FGF14: variants seen among roughly 807,000 people sequenced by gnomAD.
The protein encoded by FGF14 is fibroblast growth factor homologous factor 4.
In FGF14, 5 loss-of-function variants were observed where a neutral mutation model predicts 25.5. The observed-to-expected ratio is 0.20, with a 90% CI of 0.10 to 0.41. The LOEUF (loss-of-function observed/expected upper bound fraction) is 0.41. Ranked by LOEUF, FGF14 falls within the 10% of genes least tolerant of loss-of-function variation. The probability of loss-of-function intolerance (pLI) is 1.00; values close to 1 mark genes in which losing one functional copy is unlikely to be tolerated. For missense variants in FGF14, 222 were observed against 320.1 expected (o/e 0.69, Z 2.34); for synonymous variants, 138 against 118.3 (o/e 1.17, Z -1.08).
At chr13:101,906,987 CT>C (rs2032326556) in intron 1 of FGF14, among the ~76,000 whole-genome samples, 1 of 152,036 alleles carries the variant, frequency 6.6e-6, no homozygotes. Flanking sequence ...CTACATAATG[CT>C]TAAACTTGAG....
Position 101,711,893 on chromosome 13 carries a change from TC to T in FGF14, c.*10937del, listed in dbSNP as rs2034484529. 6.6e-6 allele frequency: 1 copy of T among 152,252 alleles called. No homozygotes were observed. Among genetic ancestry groups the T allele is most frequent in the Admixed American group, 6.5e-5 (1 of 15,278 alleles). The allele number at this position is 152,252 out of a possible 1,614,324, so 9.4% of individuals were successfully genotyped here. ...ATCTGCCCTAAAACTCCTGCCAAGA[TC>T]AGCCAGCTGTTCTCTGGCTAGGCTG... is the stretch of plus-strand genomic sequence containing the variant. On this transcript the variant is annotated 3_prime_UTR_variant, in exon 5 of 5. Transcript: ENST00000376143.
At chr13:101,755,225 G>A (rs1232586821) in intron 3 of FGF14, among the ~76,000 whole-genome samples, 1 of 152,112 alleles carries the variant, frequency 6.6e-6, no homozygotes, top group African/African-American at 2.4e-5. Flanking sequence ...TTTTCACAAA[G>A]ATGCATAACA....
At chr13:101,942,655 A>G (rs956826974) in intron 1 of FGF14, among the ~76,000 whole-genome samples, 23 of 152,212 alleles carry the variant, frequency 1.5e-4, no homozygotes, top group African/African-American at 4.6e-4. Context: ...TAGTTCTGCA[A>G]TTCTGGGCAG....
chr13:102,147,174 T>C (rs1275523542), intron 1 of FGF14, among the ~76,000 whole-genome samples: 1 of 152,232 alleles, frequency 6.6e-6, no homozygotes, highest in Non-Finnish European at 1.5e-5. Flanking sequence ...ACCTTACTTG[T>C]GTCTAGTCAA....
chr13:101,963,461 T>A (rs183337922), intron 1 of FGF14, among the ~76,000 whole-genome samples: 2 of 152,198 alleles, frequency 1.3e-5, no homozygotes, highest in African/African-American at 2.4e-5. Flanking sequence ...TCACCCTTTT[T>A]TCCCCCTATG....
chr13:102,401,339 T>C (rs1405392093), intron 1 of FGF14: 1 of 826,824 alleles, frequency 1.2e-6, no homozygotes, highest in Non-Finnish European at 2.0e-6. Context: ...GCAACACCTC[T>C]ATATGCAACA....
intron 1 of FGF14, among the ~76,000 whole-genome samples, chr13:102,233,565 A>G (rs1890026389): frequency 6.6e-6 from 1 of 152,234 alleles, no homozygotes; most frequent in Non-Finnish European, 1.5e-5. Flanking sequence ...GCTACTAGGA[A>G]GAGCTTGAAT....
chr13:101,907,896 G>C (rs1279461797), intron 1 of FGF14, among the ~76,000 whole-genome samples: 2 of 152,084 alleles, frequency 1.3e-5, no homozygotes, highest in African/African-American at 4.8e-5. Flanking sequence ...CTTGAACTTA[G>C]ATTACAGCAC....
chr13:102,087,722 C>A (rs2043990179), intron 1 of FGF14, among the ~76,000 whole-genome samples: 1 of 151,904 alleles, frequency 6.6e-6, no homozygotes. Flanking sequence ...CCGCGCCCAG[C>A]CCAGACTGTA....
intron 1 of FGF14, among the ~76,000 whole-genome samples, chr13:102,021,932 T>C (rs1356765796): frequency 2.0e-5 from 3 of 152,084 alleles, no homozygotes; most frequent in South Asian, 4.1e-4. Flanking sequence ...ACCTAGAACA[T>C]GAGTGATGAT....
chr13:102,338,311 A>G (rs1359748585), intron 1 of FGF14, among the ~76,000 whole-genome samples: 2 of 152,178 alleles, frequency 1.3e-5, no homozygotes, highest in Non-Finnish European at 2.9e-5. Flanking sequence ...AGAAACACTG[A>G]CATCCATGCC....
upstream of FGF14, among the ~76,000 whole-genome samples, chr13:101,921,832 TCTC>T (rs973196693): frequency 6.6e-6 from 1 of 152,196 alleles, no homozygotes; most frequent in African/African-American, 2.4e-5. Context: ...TTGACTCTCA[TCTC>T]CTATGAATCT....
intron 1 of FGF14, among the ~76,000 whole-genome samples, chr13:102,228,486 A>T (rs2140983216): frequency 6.6e-6 from 1 of 152,290 alleles, no homozygotes; most frequent in African/African-American, 2.4e-5. Flanking sequence ...ATGAATACTT[A>T]ATATCCTTTT....
intron 1 of FGF14, among the ~76,000 whole-genome samples, chr13:102,100,637 G>A (rs1354052454): frequency 6.6e-6 from 1 of 152,172 alleles, no homozygotes. Flanking sequence ...GTTGGTTCTT[G>A]GAAGCAGAAT....
intron 3 of FGF14, among the ~76,000 whole-genome samples, chr13:101,797,903 A>G (rs1450918087): frequency 1.3e-5 from 2 of 152,130 alleles, no homozygotes; most frequent in African/African-American, 4.8e-5. Flanking sequence ...AGTTGTTTCA[A>G]AAAGCAGTCT....
At chr13:101,939,664 C>T (rs922304533) in intron 1 of FGF14, among the ~76,000 whole-genome samples, 4 of 152,222 alleles carry the variant, frequency 2.6e-5, no homozygotes, top group African/African-American at 4.8e-5. Flanking sequence ...CTTCTATCCT[C>T]TTCCTTGTTT....
At chr13:102,090,686 C>T (rs979657189) in intron 1 of FGF14, among the ~76,000 whole-genome samples, 10 of 152,190 alleles carry the variant, frequency 6.6e-5, no homozygotes, top group Non-Finnish European at 1.2e-4. Context: ...AGTAGGGCTA[C>T]GAAGCTGAGG....
chr13:102,216,629 T>C (rs144830829), intron 1 of FGF14, among the ~76,000 whole-genome samples: 1,632 of 152,312 alleles, frequency 0.011, 12 homozygotes, highest in Non-Finnish European at 0.015. Context: ...GTGATTAGCA[T>C]ATCCTTAAAC....
Position 102,283,460 on chromosome 13 carries a change from G to A in FGF14, c.208+118011C>T, listed in dbSNP as rs148400725. Among the ~76,000 whole-genome samples, 145 of 152,240 alleles carry A rather than the reference G, an allele frequency of 9.5e-4. 2 individuals carry two copies. The highest frequency in any genetic ancestry group is 3.2e-3 in the African/African-American group (135 of 41,554). On this transcript the variant is annotated intron_variant, in intron 1 of 4. Transcript: ENST00000376131. ...TGATGAATGAGAATAAGATTATGGA[G>A]GATGCATATTAAGTGATCTAGAAGG...
Sources: gnomAD v4.1 joint callset for allele counts (sites outside exome capture counted in the v4.1 genomes callset) on GRCh38, gnomAD v4.1.1 for gene constraint, MANE v1.5 for transcripts, NCBI Gene and HGNC (gene_info 2026-07-23, HGNC 2026-07-21) for gene names.